DPYD: variants seen among roughly 807,000 people sequenced by gnomAD.
The protein encoded by DPYD is dihydropyrimidine dehydrogenase, also known as dihydropyrimidine dehydrogenase [NADP(+)].
Under a neutral mutation model 116.2 loss-of-function variants are expected in DPYD, and 109 were observed. The ratio of observed to expected loss-of-function variants is 0.94; its 90% CI spans 0.80 to 1.10. The LOEUF (loss-of-function observed/expected upper bound fraction) is 1.10, where lower values mean the gene tolerates loss of function less well. DPYD is among the 50% of genes least tolerant of loss of function. The pLI, the probability that DPYD is intolerant of heterozygous loss-of-function variation, is 0.00. For missense variants in DPYD, 1,302 were observed against 1,254.5 expected, an observed-to-expected ratio of 1.04 and a Z score of -0.57; for synonymous variants, 440 against 432.0, an observed-to-expected ratio of 1.02 and a Z score of -0.23.
At chr1:97,719,299 A>C (rs185984213) in intron 5 of DPYD, among the ~76,000 whole-genome samples, 1 of 151,928 alleles carries the variant, frequency 6.6e-6, no homozygotes, top group African/African-American at 2.4e-5. Flanking sequence ...AGAATAAGGT[A>C]TGTACCTAAC....
At chr1:97,715,926 C>G (rs1662586930) in intron 5 of DPYD, among the ~76,000 whole-genome samples, 1 of 151,944 alleles carries the variant, frequency 6.6e-6, no homozygotes, top group African/African-American at 2.4e-5. Flanking sequence ...TTGTAGAATA[C>G]AAAAGTTTAA....
chr1:97,213,561 A>C (rs1660184452), intron 19 of DPYD, among the ~76,000 whole-genome samples: 1 of 152,196 alleles, frequency 6.6e-6, no homozygotes, highest in African/African-American at 2.4e-5. Context: ...AATGACAATT[A>C]GAATGGTTAA....
chr1:97,659,005 GA>G (rs1659099191), intron 8 of DPYD, among the ~76,000 whole-genome samples: 2 of 151,970 alleles, frequency 1.3e-5, no homozygotes, highest in Non-Finnish European at 2.9e-5. Flanking sequence ...ACTCAGTAAA[GA>G]CACCACTTCT....
chr1:97,478,524 G>A (rs1376595189), intron 13 of DPYD, among the ~76,000 whole-genome samples: 4 of 152,110 alleles, frequency 2.6e-5, no homozygotes, highest in Non-Finnish European at 4.4e-5. Flanking sequence ...TTGACCTCGT[G>A]ATGCACCTGC....
At chr1:97,765,250 A>T (rs529564191) in intron 3 of DPYD, among the ~76,000 whole-genome samples, 1 of 152,320 alleles carries the variant, frequency 6.6e-6, no homozygotes, top group African/African-American at 2.4e-5. Context: ...GGGGAAGGAA[A>T]TGCTTTTCTA....
At chr1:97,584,510 C>T (rs1177660071) in intron 10 of DPYD, among the ~76,000 whole-genome samples, 1 of 151,920 alleles carries the variant, frequency 6.6e-6, no homozygotes, top group Non-Finnish European at 1.5e-5. Context: ...AATGGTATTG[C>T]CTAGGTCTTC....
At chr1:97,455,707 T>A (rs1386784522) in intron 13 of DPYD, among the ~76,000 whole-genome samples, 1 of 151,932 alleles carries the variant, frequency 6.6e-6, no homozygotes, top group Non-Finnish European at 1.5e-5. Flanking sequence ...AAGAACTCAC[T>A]AACATTTTAT....
At chr1:97,092,633 C>T (rs771607910) in intron 21 of DPYD, among the ~76,000 whole-genome samples, 3 of 152,020 alleles carry the variant, frequency 2.0e-5, no homozygotes, top group African/African-American at 4.8e-5. Context: ...ACACAGTGGG[C>T]GTTGGAAATG....
intron 21 of DPYD, among the ~76,000 whole-genome samples, chr1:97,082,772 C>A (rs748564935): frequency 1.3e-5 from 2 of 152,032 alleles, no homozygotes; most frequent in Admixed American, 6.6e-5. Flanking sequence ...ATAAATGACA[C>A]CCGTGTGAGT....
intron 18 of DPYD, among the ~76,000 whole-genome samples, chr1:97,241,147 T>A (rs562177866): frequency 1.3e-5 from 2 of 152,180 alleles, no homozygotes; most frequent in African/African-American, 4.8e-5. Context: ...TTTTTCTGCT[T>A]CATAATGCAT....
At chr1:97,652,683 T>A (rs1463624124) in intron 8 of DPYD, among the ~76,000 whole-genome samples, 3 of 152,192 alleles carry the variant, frequency 2.0e-5, no homozygotes, top group African/African-American at 7.2e-5. Context: ...GACATTTCTA[T>A]TGCAGTATTT....
chr1:97,595,886 T>C (rs1654845222), intron 8 of DPYD, among the ~76,000 whole-genome samples: 1 of 152,030 alleles, frequency 6.6e-6, no homozygotes, highest in Non-Finnish European at 1.5e-5. Flanking sequence ...AATAAAATTG[T>C]AACTTCTCTA....
intron 20 of DPYD, among the ~76,000 whole-genome samples, chr1:97,173,216 A>C (rs1210162853): frequency 1.5e-5 from 2 of 136,082 alleles, no homozygotes; most frequent in Admixed American, 7.0e-5. Context: ...ATATATACAC[A>C]TATACGTACA....
intron 8 of DPYD, among the ~76,000 whole-genome samples, chr1:97,616,514 C>T (rs963365917): frequency 3.9e-5 from 6 of 152,116 alleles, no homozygotes; most frequent in Non-Finnish European, 7.3e-5. Flanking sequence ...GGATACTTAC[C>T]TATTGTTCAC....
intron 20 of DPYD, among the ~76,000 whole-genome samples, chr1:97,134,799 C>T (rs979172901): frequency 6.6e-6 from 1 of 152,038 alleles, no homozygotes; most frequent in Non-Finnish European, 1.5e-5. Context: ...ATTAGTAGCC[C>T]TCGGCATAAT....
At chr1:97,313,956 T>C (rs72726698) in intron 16 of DPYD, among the ~76,000 whole-genome samples, 2,015 of 152,112 alleles carry the variant, frequency 0.013, 35 homozygotes, top group Middle Eastern at 0.045. Flanking sequence ...GAAGAATTTC[T>C]AATTGCATAC....
At chr1:97,340,360 CAT>C (rs1209587249) in intron 16 of DPYD, among the ~76,000 whole-genome samples, 1 of 151,982 alleles carries the variant, frequency 6.6e-6, no homozygotes, top group Non-Finnish European at 1.5e-5. Context: ...CAAGAAAAGA[CAT>C]ATAGGGAAAA....
At chr1:97,147,659 C>T (rs549172429) in intron 20 of DPYD, among the ~76,000 whole-genome samples, 114 of 152,252 alleles carry the variant, frequency 7.5e-4, no homozygotes, top group Admixed American at 1.1e-3. Context: ...ATGCTCCTTC[C>T]TTTTCCTAAA....
At chr1:97,480,947 T>C (rs1181154020) in intron 13 of DPYD, among the ~76,000 whole-genome samples, 1 of 151,982 alleles carries the variant, frequency 6.6e-6, no homozygotes, top group Non-Finnish European at 1.5e-5. Context: ...GCCACTGCAC[T>C]CCAGTCTGGG....
Sources: gnomAD v4.1 joint callset for allele counts (sites outside exome capture counted in the v4.1 genomes callset) on GRCh38, gnomAD v4.1.1 for gene constraint, MANE v1.5 for transcripts, NCBI Gene and HGNC (gene_info 2026-07-23, HGNC 2026-07-21) for gene names.